Variants in HSPH1 observed in about 807,000 individuals in gnomAD.
The protein encoded by HSPH1 is heat shock protein family H (Hsp110) member 1.
Under a neutral mutation model 100.0 loss-of-function variants are expected in HSPH1, and 40 were observed. The observed-to-expected ratio is 0.40, with a 90% CI of 0.31 to 0.52. HSPH1 has a LOEUF of 0.52. Ranked by LOEUF, HSPH1 falls within the 20% of genes least tolerant of loss-of-function variation. The probability of loss-of-function intolerance (pLI) is 0.54; values close to 1 mark genes in which losing one functional copy is unlikely to be tolerated. For synonymous variants in HSPH1, 403 were observed against 344.0 expected, an observed-to-expected ratio of 1.17 and a Z score of -1.90; for missense variants, 876 against 1,015.1, an observed-to-expected ratio of 0.86 and a Z score of 1.86.
chr13:31,154,476 A>G (rs541598200), intron 4 of HSPH1, 157 bp downstream of exon 4: 4 of 841,586 alleles, frequency 4.8e-6, no homozygotes, highest in East Asian at 5.3e-5. Context: ...ATATCACTCA[A>G]ATCTACTTTG....
In HSPH1 at chr13:31,137,040, A is replaced by T. The variant is rs896872370; in HGVS notation, c.*278T>A. 1 of 561,720 alleles carries T rather than the reference A, an allele frequency of 1.8e-6. No individual in the cohort carries two copies. Among genetic ancestry groups the T allele is most frequent in the African/African-American group, 1.9e-5 (1 of 52,166 alleles). The allele number at this position is 561,720 out of a possible 1,614,324, so 34.8% of individuals were successfully genotyped here. On this transcript the variant is annotated 3_prime_UTR_variant, in exon 18 of 18. Transcript: ENST00000320027. Reference sequence around the variant, plus strand: ...ACAGTTTTTTTTCTCCAAAAGACAAAAGTCAGTTTCATCCTCAGTGATGCA... The same window carrying T: ...ACAGTTTTTTTTCTCCAAAAGACAATAGTCAGTTTCATCCTCAGTGATGCA...
chr13:31,142,955 C>G (rs1956149096), intron 12 of HSPH1, among the ~76,000 whole-genome samples: 2 of 151,958 alleles, frequency 1.3e-5, no homozygotes, highest in African/African-American at 4.8e-5. Context: ...ACATTGGGAG[C>G]CCCCAGGATC....
At chr13:31,161,991 C>T (rs953097159), upstream of HSPH1, 6 of 1,536,026 alleles carry the variant, frequency 3.9e-6, no homozygotes, top group Admixed American at 5.9e-5. Flanking sequence ...CCGGCGCCTC[C>T]ACCGGCCCCT....
chr13:31,160,011 TCCA>T lies in HSPH1; in HGVS notation c.108-1151_108-1149del, dbSNP rs1956839116. Among the ~76,000 whole-genome samples, 3 of 152,248 alleles carry T rather than the reference TCCA, an allele frequency of 2.0e-5. No homozygotes were observed. The East Asian group carries it at 5.8e-4, about 29-fold the overall frequency. On this transcript the variant is annotated intron_variant, in intron 1 of 17. Coordinates refer to ENST00000320027, the MANE Select transcript of HSPH1 (RefSeq NM_006644.4). ...ACAATTAGTAGCTGATACAATAGAA[TCCA>T]CCACAATTATAGTTTAACAAACATA...
At chr13:31,154,376 C>A (rs1170563964) in intron 4 of HSPH1, 2 of 513,288 alleles carry the variant, frequency 3.9e-6, no homozygotes, top group Non-Finnish European at 7.1e-6. Context: ...AGAATACTCA[C>A]AAATGGAACC....
At chr13:31,150,516 T>C (rs1012185553) in intron 7 of HSPH1, among the ~76,000 whole-genome samples, 1 of 152,294 alleles carries the variant, frequency 6.6e-6, no homozygotes, top group Non-Finnish European at 1.5e-5. Flanking sequence ...CTCAAATTCC[T>C]GGGCTCAAGG....
At position 31,145,649 on chromosome 13, in the gene HSPH1, T is replaced by C. The variant is rs1205956314; in HGVS notation, c.1498A>G (p.Lys500Glu). 2 of 1,613,606 alleles carry C rather than the reference T, an allele frequency of 1.2e-6. No individual in the cohort carries two copies. The highest frequency in any genetic ancestry group is 1.7e-6 in the Non-Finnish European group (2 of 1,179,798). The stretch of plus-strand genomic sequence containing the variant: ...ATTTCATTCTCCTCAGTTGGGACTT[T>C]CTCCACCATAGATGCCGTAGAGATG... Reference protein sequence around the residue: ...FTISTASMVEKVPTEENEMSS... With the variant: ...FTISTASMVEEVPTEENEMSS... Residue 500 changes from lysine to glutamate, a missense_variant, in exon 11 of 18, where the codon AAA becomes GAA. By Grantham distance (56) the Lys-to-Glu change is moderately conservative (BLOSUM62 1). Coordinates refer to ENST00000320027, the MANE Select transcript of HSPH1 (RefSeq NM_006644.4).
At chr13:31,156,307 A>G (rs990997029) in intron 2 of HSPH1, among the ~76,000 whole-genome samples, 3 of 152,028 alleles carry the variant, frequency 2.0e-5, no homozygotes, top group Non-Finnish European at 4.4e-5. Flanking sequence ...GGAGAATGGC[A>G]TGAACCCAGG....
At chr13:31,149,882 C>G (rs1012854576) in intron 8 of HSPH1, 72 bp downstream of exon 8, 1 of 1,199,698 alleles carries the variant, frequency 8.3e-7, no homozygotes, top group Non-Finnish European at 1.2e-6. Context: ...TGTTTATTAT[C>G]CCACCATGAC....
chr13:31,149,181 A>G (rs759910575), intron 8 of HSPH1, among the ~76,000 whole-genome samples: 16 of 152,082 alleles, frequency 1.1e-4, no homozygotes, highest in Non-Finnish European at 1.6e-4. Flanking sequence ...AAAAAGCAAA[A>G]ACAAAAACCC....
intron 17 of HSPH1, 54 bp downstream of exon 17, chr13:31,138,353 G>T: frequency 1.3e-6 from 2 of 1,538,742 alleles, no homozygotes; most frequent in Admixed American, 1.9e-5. Context: ...TCAAATGATT[G>T]CAACTTGAGT....
At chr13:31,160,551 T>C (rs1218689336) in intron 1 of HSPH1, among the ~76,000 whole-genome samples, 1 of 152,226 alleles carries the variant, frequency 6.6e-6, no homozygotes, top group Non-Finnish European at 1.5e-5. Context: ...TCAATGCACA[T>C]GCAGATATGT....
chr13:31,150,988 T>C lies in HSPH1; in HGVS notation c.867A>G (p.Glu289=). ...AAACATCTTTATCATTCATAAAGCA[T>C]TCGATATTCAGTGGAAGGTCTGTGC... ...SNSTDLPLNI[E]CFMNDKDVSG... The change falls in exon 7 of 18, where the codon GAA becomes GAG. Residue 289 remains glutamate (E), a synonymous_variant. Transcript: ENST00000320027. 6.2e-7 allele frequency: 1 copy of C among 1,613,338 alleles called. No homozygotes were observed. Among genetic ancestry groups the C allele is most frequent in the Non-Finnish European group, 8.5e-7 (1 of 1,179,546 alleles).
Position 31,137,193 on chromosome 13 carries a change from TA to T in HSPH1, c.*124del. ...CTTAAGCTTTTTTTCTTTTTCCATA[TA>T]ATACACAAAATTTCTAAATATCCTT... On this transcript the variant is annotated 3_prime_UTR_variant, in exon 18 of 18. Transcript: ENST00000320027. 1 of 743,102 alleles carries T rather than the reference TA, an allele frequency of 1.3e-6. No individual in the cohort carries two copies. Among genetic ancestry groups the T allele is most frequent in the Non-Finnish European group, 2.3e-6 (1 of 426,506 alleles). The allele number at this position is 743,102 out of a possible 1,614,324, so 46.0% of individuals were successfully genotyped here. A position where few individuals can be genotyped will look rare whatever the true frequency, so the allele number is the denominator to read the frequency against.
At chr13:31,140,049 C>T in intron 14 of HSPH1, 135 bp downstream of exon 14, 1 of 835,776 alleles carries the variant, frequency 1.2e-6, no homozygotes, top group Non-Finnish European at 1.8e-6. Context: ...ACAAGCCTTT[C>T]TCCATAACTT....
At position 31,148,009 on chromosome 13, in the gene HSPH1, T is replaced by G; in HGVS notation, c.1328A>C (p.Glu443Ala). ...TCCTTGGGGATCAGAATAGAAAGCT[T>G]CTAGCTCAAAAGGCCCCCTTCTCAG... ...TFLRRGPFEL[E>A]AFYSDPQGVP... The change falls in exon 10 of 18, where the codon GAA (glutamate) becomes GCA (alanine). Residue 443 changes from glutamate to alanine, a missense_variant. Physicochemically the swap from Glu to Ala is moderately radical, Grantham distance 107. Coordinates refer to ENST00000320027, the MANE Select transcript of HSPH1 (RefSeq NM_006644.4). 1 of 1,610,702 alleles carries G rather than the reference T, an allele frequency of 6.2e-7. No individual in the cohort carries two copies.
chr13:31,144,163 T>C (rs1823952341), intron 11 of HSPH1, among the ~76,000 whole-genome samples: 1 of 152,162 alleles, frequency 6.6e-6, no homozygotes, highest in South Asian at 2.1e-4. Flanking sequence ...CAAGTAAGCA[T>C]TTAATTGATG....
Position 31,151,000 on chromosome 13 carries a change from T to C in HSPH1, c.855A>G (p.Pro285=). 1 of 1,613,554 alleles carries C rather than the reference T, an allele frequency of 6.2e-7. No individual in the cohort carries two copies. The highest frequency in any genetic ancestry group is 8.5e-7 in the Non-Finnish European group (1 of 1,179,628). Residue 285 remains proline, a synonymous_variant, in exon 7 of 18, where the codon CCA becomes CCG. Coordinates refer to ENST00000320027, the MANE Select transcript of HSPH1 (RefSeq NM_006644.4). ...KLMSSNSTDL[P]LNIECFMNDK... ...CATTCATAAAGCATTCGATATTCAGTGGAAGGTCTGTGCTGTTAGAGCTCA... is the reference window on the plus strand; with the variant it reads ...CATTCATAAAGCATTCGATATTCAGCGGAAGGTCTGTGCTGTTAGAGCTCA...
intron 8 of HSPH1, among the ~76,000 whole-genome samples, chr13:31,149,283 C>T (rs991274607): frequency 1.8e-4 from 27 of 152,080 alleles, no homozygotes; most frequent in Admixed American, 1.7e-3. Context: ...CAGTCAGTCA[C>T]TCTAAATACC....
Sources: allele counts gnomAD v4.1 joint callset (sites outside exome capture counted in the v4.1 genomes callset), GRCh38; gene constraint gnomAD v4.1.1; transcripts MANE v1.5; gene names NCBI Gene and HGNC (gene_info 2026-07-23, HGNC 2026-07-21).